The following FRMD4A variants were observed in gnomAD, a reference collection of about 807,000 sequenced individuals.
The protein encoded by FRMD4A is FERM domain-containing protein 4A.
FRMD4A carries 29 observed loss-of-function variants against 129.1 expected under a neutral mutation model. The ratio of observed to expected loss-of-function variants is 0.22; its 90% confidence interval spans 0.17 to 0.31. FRMD4A has a LOEUF of 0.31. Ranked by LOEUF, FRMD4A falls within the 10% of genes least tolerant of loss-of-function variation. The pLI is 1.00. For missense variants in FRMD4A, 1,272 were observed against 1,375.8 expected, an observed-to-expected ratio of 0.92 and a Z score of 1.19; for synonymous variants, 634 against 571.6, an observed-to-expected ratio of 1.11 and a Z score of -1.56.
chr10:14,291,611 T>C (rs1845851770), intron 2 of FRMD4A, among the ~76,000 whole-genome samples: 1 of 152,124 alleles, frequency 6.6e-6, no homozygotes, highest in South Asian at 2.1e-4. Flanking sequence ...GTATTCACGA[T>C]AAAAATAAAC....
chr10:13,687,666 C>T (rs569781842), intron 15 of FRMD4A, among the ~76,000 whole-genome samples: 1 of 152,100 alleles, frequency 6.6e-6, no homozygotes, highest in Non-Finnish European at 1.5e-5. Context: ...TACCTGAAGA[C>T]TTAGGAGTGA....
intron 2 of FRMD4A, among the ~76,000 whole-genome samples, chr10:14,147,257 T>C (rs1318623036): frequency 2.6e-5 from 4 of 152,144 alleles, no homozygotes; most frequent in Non-Finnish European, 5.9e-5. Context: ...CCAACCCTGA[T>C]GGTCATTATA....
chr10:14,027,615 T>TCAAACA (rs1833042949), intron 2 of FRMD4A, among the ~76,000 whole-genome samples: 1 of 152,158 alleles, frequency 6.6e-6, no homozygotes, highest in Non-Finnish European at 1.5e-5. Context: ...AAACTCTGTC[T>TCAAACA]CAAACAAAAA....
intron 2 of FRMD4A, among the ~76,000 whole-genome samples, chr10:14,013,583 G>T (rs1206843131): frequency 1.3e-5 from 2 of 152,148 alleles, no homozygotes; most frequent in Admixed American, 1.3e-4. Context: ...AAACCCACAA[G>T]GCACCCTGCA....
At chr10:13,882,992 C>T (rs542511626) in intron 2 of FRMD4A, among the ~76,000 whole-genome samples, 47 of 151,910 alleles carry the variant, frequency 3.1e-4, no homozygotes, top group South Asian at 1.2e-3. Context: ...TTTGTAGAGA[C>T]GGGGTTTTGC....
Position 13,701,389 on chromosome 10 carries a change from G to A in FRMD4A, c.926C>T (p.Ala309Val). ...GAACTGGTGTTGGCTTATGGCCATA[G>A]CCCAGATGGACTTGATCAATGCCGG... is the stretch of plus-strand genomic sequence containing the variant. ...ACPALIKSIW[A>V]MAISQHQFYL... Residue 309 changes from alanine to valine, a missense_variant, in exon 14 of 25, where the codon GCT becomes GTT. Transcript: ENST00000357447. 4 of 1,613,904 alleles carry A rather than the reference G, an allele frequency of 2.5e-6. No homozygotes were observed. Among genetic ancestry groups the A allele is most frequent in the Non-Finnish European group, 3.4e-6 (4 of 1,179,750 alleles).
chr10:14,271,871 A>T (rs1295996307), intron 2 of FRMD4A, among the ~76,000 whole-genome samples: 1 of 152,208 alleles, frequency 6.6e-6, no homozygotes, highest in Non-Finnish European at 1.5e-5. Flanking sequence ...TCAGAAACTG[A>T]AGCGTGGCCA....
In FRMD4A at chr10:13,821,561, C is replaced by T. The variant is rs2093630059; in HGVS notation, c.112-10653G>A. On this transcript the variant is annotated intron_variant, in intron 3 of 24. Transcript: ENST00000357447. The surrounding 1 kb of genome is among the most constrained non-coding windows in gnomAD (Gnocchi z 4.3). The stretch of plus-strand genomic sequence containing the variant: ...AACAGCAAAGCTGCCAACAACACTG[C>T]CCACCTGTCCCCGCCTGCAGCTGCT... 6.6e-6 allele frequency among the ~76,000 whole-genome samples: 1 copy of T among 152,184 alleles called. No homozygotes were observed. The highest frequency in any genetic ancestry group is 2.1e-4 in the South Asian group (1 of 4,826).
intron 2 of FRMD4A, 50 bp from the exon 3 acceptor site, chr10:13,858,962 AG>A: frequency 8.9e-7 from 1 of 1,125,256 alleles, no homozygotes; most frequent in Non-Finnish European, 1.4e-6. Context: ...AGCCAGACAA[AG>A]GGTTAGAGGG....
Position 13,660,091 on chromosome 10 carries a change from G to A in FRMD4A, c.1898+225C>T, listed in dbSNP as rs549633667. 2.2e-4 allele frequency among the ~76,000 whole-genome samples: 33 copies of A among 152,330 alleles called. No homozygotes were observed. The East Asian group carries it at 2.3e-3, about 11-fold the overall frequency. ...CAGCATTCAAACCATCTGCCATCAC[G>A]TTGATTGTGGGCCAAAGCCCCAATT... is the stretch of plus-strand genomic sequence containing the variant. On this transcript the variant is annotated intron_variant, in intron 20 of 24. Coordinates refer to ENST00000357447, the MANE Select transcript of FRMD4A (RefSeq NM_018027.5).
intron 12 of FRMD4A, among the ~76,000 whole-genome samples, chr10:13,711,431 G>A (rs117575321): frequency 0.011 from 1,682 of 152,340 alleles, 18 homozygotes; most frequent in Non-Finnish European, 0.018. Flanking sequence ...CACCTCAGGG[G>A]AGCCTCCCGA....
At chr10:13,884,170 A>ACT (rs2094584759) in intron 2 of FRMD4A, among the ~76,000 whole-genome samples, 3 of 61,032 alleles carry the variant, frequency 4.9e-5, no homozygotes, top group African/African-American at 1.5e-4. Flanking sequence ...ACACACACTC[A>ACT]CACACTCACA....
chr10:14,284,348 T>C (rs1210165979), intron 2 of FRMD4A, among the ~76,000 whole-genome samples: 1 of 152,046 alleles, frequency 6.6e-6, no homozygotes, highest in Non-Finnish European at 1.5e-5. Context: ...AAAACCCAAT[T>C]TAAACTATTG....
intron 2 of FRMD4A, among the ~76,000 whole-genome samples, chr10:13,909,403 C>T (rs961115219): frequency 9.2e-5 from 14 of 152,158 alleles, no homozygotes; most frequent in African/African-American, 2.7e-4. Context: ...CCATCAGTAA[C>T]GTATAAAAGT....
At chr10:14,293,942 GGAGA>G in intron 2 of FRMD4A, among the ~76,000 whole-genome samples, 1 of 152,134 alleles carries the variant, frequency 6.6e-6, no homozygotes, top group Non-Finnish European at 1.5e-5. Flanking sequence ...TTAAGAAGAA[GGAGA>G]AGAATACTTG....
At chr10:14,296,998 A>G (rs79930283) in intron 2 of FRMD4A, among the ~76,000 whole-genome samples, 3,038 of 152,316 alleles carry the variant, frequency 0.02, 53 homozygotes, top group Non-Finnish European at 0.031. Flanking sequence ...TTCTCATCGT[A>G]GTGCTGCCCA....
chr10:14,245,439 A>C (rs1439005210), intron 2 of FRMD4A, among the ~76,000 whole-genome samples: 1 of 152,210 alleles, frequency 6.6e-6, no homozygotes, highest in East Asian at 1.9e-4. Flanking sequence ...GAATGTCTAG[A>C]GTATTTGCAG....
intron 2 of FRMD4A, among the ~76,000 whole-genome samples, chr10:14,001,885 G>A (rs994517643): frequency 7.2e-5 from 11 of 152,218 alleles, no homozygotes; most frequent in Admixed American, 2.0e-4. Context: ...ACTGAAAGCC[G>A]TCTGCTGTAT....
intron 2 of FRMD4A, among the ~76,000 whole-genome samples, chr10:13,975,403 G>A (rs1017844393): frequency 6.6e-6 from 1 of 151,994 alleles, no homozygotes; most frequent in African/African-American, 2.4e-5. Context: ...CTCTGTGTGT[G>A]TGTCTGTGCA....
Sources: allele counts gnomAD v4.1 joint callset (sites outside exome capture counted in the v4.1 genomes callset), GRCh38; gene constraint gnomAD v4.1.1; non-coding constraint Gnocchi (gnomAD v3.1); transcripts MANE v1.5; gene names NCBI Gene and HGNC (gene_info 2026-07-23, HGNC 2026-07-21).